Variants in NME5 observed in about 807,000 individuals in gnomAD.
NME5 encodes the protein nucleoside diphosphate kinase 5.
In NME5, 18 loss-of-function variants were observed where a neutral mutation model predicts 21.6. That is an observed-to-expected ratio of 0.83 (90% CI 0.58 to 1.24). The LOEUF (loss-of-function observed/expected upper bound fraction) is 1.24, where lower values mean the gene tolerates loss of function less well. NME5 is among the 50% of genes most tolerant of loss of function. NME5 has a pLI of 0.00. For synonymous variants in NME5, 70 were observed against 80.6 expected (o/e 0.87, Z 0.71); for missense variants, 223 against 255.4 (o/e 0.87, Z 0.86).
chr5:138,128,395 T>G, intron 4 of NME5, 84 bp downstream of exon 4: 1 of 1,023,646 alleles, frequency 9.8e-7, no homozygotes. Context: ...TTATTTTATC[T>G]TCCTTCCCAG....
intron 2 of NME5, among the ~76,000 whole-genome samples, chr5:138,138,004 C>CA (rs1049241979): frequency 8.8e-5 from 13 of 146,952 alleles, no homozygotes; most frequent in African/African-American, 2.8e-4. Context: ...GACTCTGTCT[C>CA]AAAAAAAAGA....
chr5:138,116,750 G>A lies in NME5; in HGVS notation c.556-986C>T, dbSNP rs931194145. The A allele has an allele frequency of 2.6e-5, 4 of 153,684 alleles. No individual in the cohort carries two copies. The East Asian group carries it at 7.7e-4, about 30-fold the overall frequency. 9.5% of individuals were successfully genotyped at this position (153,684 alleles called of 1,614,324 possible). On this transcript the variant is annotated intron_variant, in intron 5 of 5. Coordinates refer to ENST00000265191, the MANE Select transcript of NME5 (RefSeq NM_003551.3). ...AACAAATTTTTGACAATGGTACCAAGCCCATTGGTACCACTGGACTTGGAG... is the reference window on the plus strand; with the variant it reads ...AACAAATTTTTGACAATGGTACCAAACCCATTGGTACCACTGGACTTGGAG...
intron 2 of NME5, among the ~76,000 whole-genome samples, chr5:138,133,394 C>A (rs1751619368): frequency 6.6e-6 from 1 of 151,968 alleles, no homozygotes; most frequent in Non-Finnish European, 1.5e-5. Flanking sequence ...CGTGAGCCAC[C>A]GCGCCCGGCC....
intron 5 of NME5, among the ~76,000 whole-genome samples, chr5:138,117,407 G>A (rs552632927): frequency 2.8e-4 from 42 of 152,022 alleles, no homozygotes; most frequent in African/African-American, 9.4e-4. Context: ...ACATTATCAA[G>A]AAAGTGAAAA....
At chr5:138,119,665 T>A (rs909630167) in intron 4 of NME5, among the ~76,000 whole-genome samples, 1 of 151,234 alleles carries the variant, frequency 6.6e-6, no homozygotes, top group Non-Finnish European at 1.5e-5. Context: ...TTCTTTATTT[T>A]TTTTTTTTTG....
intron 5 of NME5, among the ~76,000 whole-genome samples, chr5:138,117,614 T>A (rs1751189830): frequency 6.6e-6 from 1 of 152,122 alleles, no homozygotes; most frequent in South Asian, 2.1e-4. Flanking sequence ...TGTTCAACAT[T>A]AGCCATTAGG....
At chr5:138,134,538 C>T (rs1210388857) in intron 2 of NME5, among the ~76,000 whole-genome samples, 3 of 152,044 alleles carry the variant, frequency 2.0e-5, no homozygotes, top group African/African-American at 7.2e-5. Flanking sequence ...GCCACCGCAC[C>T]CAGCCCTAAT....
chr5:138,129,158 CT>C, intron 3 of NME5, 104 bp downstream of exon 3: 2 of 991,220 alleles, frequency 2.0e-6, no homozygotes, highest in Non-Finnish European at 3.0e-6. Flanking sequence ...TTTTGGAAAA[CT>C]TCCAAATAAA....
chr5:138,116,846 C>T (rs1010334970), intron 5 of NME5, among the ~76,000 whole-genome samples: 1 of 151,854 alleles, frequency 6.6e-6, no homozygotes, highest in Non-Finnish European at 1.5e-5. Flanking sequence ...AAAGTTGGAC[C>T]CCTATACCAC....
At chr5:138,120,177 A>AC (rs1464864920) in intron 4 of NME5, among the ~76,000 whole-genome samples, 1 of 128,400 alleles carries the variant, frequency 7.8e-6, no homozygotes, top group African/African-American at 3.0e-5. Flanking sequence ...CAATCCTCCC[A>AC]CCTCAGCCTC....
chr5:138,127,267 C>T (rs79061298), intron 4 of NME5, among the ~76,000 whole-genome samples: 1,956 of 152,110 alleles, frequency 0.013, 46 homozygotes, highest in African/African-American at 0.044. Flanking sequence ...AGCATCAGGC[C>T]GTTACCGACC....
Position 138,118,811 on chromosome 5 carries a change from T to C in NME5, c.555+7A>G. On this transcript the variant is annotated splice_region_variant and intron_variant, in intron 5 of 5. Coordinates refer to ENST00000265191, the MANE Select transcript of NME5 (RefSeq NM_003551.3). ...TATTCTTAAGTGTGAATAAAAATAT[T>C]TCTTACCAAAGGATCTGCTGGTTTT... 6.4e-7 allele frequency: 1 copy of C among 1,560,438 alleles called. No individual in the cohort carries two copies. Among genetic ancestry groups the C allele is most frequent in the Non-Finnish European group, 8.8e-7 (1 of 1,131,450 alleles).
At chr5:138,124,060 G>A (rs1751346382) in intron 4 of NME5, among the ~76,000 whole-genome samples, 1 of 134,086 alleles carries the variant, frequency 7.5e-6, no homozygotes, top group East Asian at 2.6e-4. Context: ...GCAATGGCGC[G>A]ATCTTGGCTC....
chr5:138,136,168 C>CA (rs995225046), intron 2 of NME5, among the ~76,000 whole-genome samples: 1 of 152,172 alleles, frequency 6.6e-6, no homozygotes, highest in African/African-American at 2.4e-5. Flanking sequence ...CATATTAATA[C>CA]AGGCACCTAC....
intron 4 of NME5, among the ~76,000 whole-genome samples, chr5:138,126,006 TTCA>T (rs1364749364): frequency 6.6e-6 from 1 of 152,202 alleles, no homozygotes; most frequent in Non-Finnish European, 1.5e-5. Context: ...CACATAGTTG[TTCA>T]TCAACTGCTA....
At position 138,138,634 on chromosome 5, in the gene NME5, A is replaced by G. The variant is rs369174509; in HGVS notation, c.129+18T>C. ...GGCAGAGAGGAAAAAAGCATGAATC[A>G]TCATACCCAGAAGTTACCTGAACAA... On this transcript the variant is annotated intron_variant, in intron 2 of 5. Coordinates refer to ENST00000265191, the MANE Select transcript of NME5 (RefSeq NM_003551.3). 1 of 1,600,938 alleles carries G rather than the reference A, an allele frequency of 6.2e-7. No homozygotes were observed. Among genetic ancestry groups the G allele is most frequent in the East Asian group, 2.2e-5 (1 of 44,774 alleles).
intron 4 of NME5, among the ~76,000 whole-genome samples, chr5:138,120,410 T>G (rs1237061741): frequency 6.6e-6 from 1 of 152,012 alleles, no homozygotes; most frequent in East Asian, 1.9e-4. Flanking sequence ...CTAATTTTTT[T>G]GTATTTTTTA....
chr5:138,127,785 C>T, intron 4 of NME5: 1 of 585,604 alleles, frequency 1.7e-6, no homozygotes, highest in Non-Finnish European at 2.2e-6. Flanking sequence ...TAAATTGTTA[C>T]AGAAGACGGT....
intron 1 of NME5, 157 bp from the exon 2 acceptor site, chr5:138,138,942 T>C (rs1581391440): frequency 1.5e-6 from 1 of 673,256 alleles, no homozygotes; most frequent in Admixed American, 2.9e-5. Context: ...ACTGCCATGT[T>C]TTTCTATATA....
Sources: allele counts gnomAD v4.1 joint callset (sites outside exome capture counted in the v4.1 genomes callset), GRCh38; gene constraint gnomAD v4.1.1; transcripts MANE v1.5; gene names NCBI Gene and HGNC (gene_info 2026-07-23, HGNC 2026-07-21).